Variants in PCLO observed in about 807,000 individuals in gnomAD.
PCLO encodes the protein protein piccolo.
PCLO carries 82 observed loss-of-function variants against 427.5 expected under a neutral mutation model. The ratio of observed to expected loss-of-function variants is 0.19; its 90% CI spans 0.16 to 0.23. PCLO has a LOEUF of 0.23. PCLO is among the 10% of genes least tolerant of loss of function. PCLO has a pLI of 1.00. For missense variants in PCLO, 6,239 were observed against 6,115.9 expected, an observed-to-expected ratio of 1.02 and a Z score of -0.67; for synonymous variants, 2,357 against 2,155.4, an observed-to-expected ratio of 1.09 and a Z score of -2.59.
intron 1 of PCLO, 91 bp downstream of exon 1, chr7:83,162,254 T>G: frequency 7.1e-7 from 1 of 1,418,278 alleles, no homozygotes; most frequent in Non-Finnish European, 9.4e-7. Context: ...GCGACATATA[T>G]GTACCGCCGT....
At chr7:82,990,121 T>C (rs576669261) in intron 3 of PCLO, among the ~76,000 whole-genome samples, 1 of 152,296 alleles carries the variant, frequency 6.6e-6, no homozygotes, top group East Asian at 1.9e-4. Flanking sequence ...GCCATGAAGA[T>C]ACCCTCCCCA....
At chr7:82,790,376 G>A (rs1475779344) in intron 22 of PCLO, among the ~76,000 whole-genome samples, 2 of 152,144 alleles carry the variant, frequency 1.3e-5, no homozygotes, top group Non-Finnish European at 2.9e-5. Flanking sequence ...GCAGAACTAT[G>A]CTACAGTCAG....
At chr7:82,829,052 T>C (rs1792025075) in intron 16 of PCLO, among the ~76,000 whole-genome samples, 1 of 152,140 alleles carries the variant, frequency 6.6e-6, no homozygotes, top group South Asian at 2.1e-4. Flanking sequence ...GTCTCAAGTA[T>C]TGCCATATCC....
intron 3 of PCLO, among the ~76,000 whole-genome samples, chr7:83,071,813 T>C (rs1312648336): frequency 1.3e-5 from 2 of 152,130 alleles, no homozygotes; most frequent in African/African-American, 2.4e-5. Flanking sequence ...TTTGGTCATG[T>C]TGTTGGAAGA....
At chr7:83,118,310 C>T (rs972531274) in intron 3 of PCLO, among the ~76,000 whole-genome samples, 7 of 152,072 alleles carry the variant, frequency 4.6e-5, no homozygotes, top group African/African-American at 1.7e-4. Flanking sequence ...AAGAACCCTC[C>T]GGCGATCATC....
At chr7:83,094,096 C>T (rs1790464856) in intron 3 of PCLO, among the ~76,000 whole-genome samples, 1 of 151,852 alleles carries the variant, frequency 6.6e-6, no homozygotes, top group South Asian at 2.1e-4. Flanking sequence ...CCCACTCCTT[C>T]CTTAACCTTC....
At chr7:82,971,525 G>A (rs1583857216) in intron 3 of PCLO, among the ~76,000 whole-genome samples, 2 of 147,048 alleles carry the variant, frequency 1.4e-5, no homozygotes, top group East Asian at 2.0e-4. Flanking sequence ...TTCTATATGT[G>A]TATAGATATA....
At chr7:83,010,944 T>C (rs1209228429) in intron 3 of PCLO, among the ~76,000 whole-genome samples, 1 of 152,074 alleles carries the variant, frequency 6.6e-6, no homozygotes, top group East Asian at 1.9e-4. Flanking sequence ...ACATAAATTC[T>C]TTCTTTCCAA....
chr7:82,882,459 G>T (rs1200013653), intron 9 of PCLO, among the ~76,000 whole-genome samples: 1 of 152,054 alleles, frequency 6.6e-6, no homozygotes, highest in African/African-American at 2.4e-5. Flanking sequence ...CATGAAAATG[G>T]TCTTGTTCTT....
chr7:82,966,273 A>C lies in PCLO; in HGVS notation c.3515T>G (p.Ile1172Ser). ...TAGTGTTTCCTTTACTTTTTCCAGAATGACTTTTTCAGCTTCCGTTTTTAC... is the reference window on the plus strand; with the variant it reads ...TAGTGTTTCCTTTACTTTTTCCAGACTGACTTTTTCAGCTTCCGTTTTTAC... ...QEVKTEAEKV[I>S]LEKVKETLSM... is the part of the protein sequence containing the mutation. Residue 1172 changes from isoleucine to serine, a missense_variant, in exon 4 of 25, where the codon ATT (isoleucine) becomes AGT (serine). This residue lies in a region of PCLO where 4,677 missense variants were observed against 4,468.4 expected (regional missense o/e 1.05). Coordinates refer to ENST00000333891, the MANE Select transcript of PCLO (RefSeq NM_033026.6). The C allele has an allele frequency of 6.2e-7, 1 of 1,612,164 alleles. No homozygotes were observed. The highest frequency in any genetic ancestry group is 8.5e-7 in the Non-Finnish European group (1 of 1,179,470).
intron 14 of PCLO, among the ~76,000 whole-genome samples, chr7:82,838,652 G>A (rs1203983738): frequency 1.3e-5 from 2 of 151,602 alleles, no homozygotes; most frequent in African/African-American, 2.4e-5. Flanking sequence ...GCTACTCTTA[G>A]GAAAATAGTA....
intron 3 of PCLO, among the ~76,000 whole-genome samples, chr7:83,096,987 A>G (rs868019841): frequency 0.011 from 281 of 26,298 alleles, 16 homozygotes; most frequent in East Asian, 0.013. Context: ...TATTATATAA[A>G]TAATATATAT....
At chr7:82,914,530 GATAAAATTTCC>G (rs1314560644) in intron 7 of PCLO, 145 bp downstream of exon 7, 4 of 737,536 alleles carry the variant, frequency 5.4e-6, no homozygotes, top group Admixed American at 4.1e-5. Context: ...CTATACACAT[GATAAAATTTCC>G]ATTTACAAGA....
chr7:83,037,413 T>C (rs529339503), intron 3 of PCLO, among the ~76,000 whole-genome samples: 1 of 152,096 alleles, frequency 6.6e-6, no homozygotes, highest in Non-Finnish European at 1.5e-5. Context: ...GTTAATATAT[T>C]TAGAATAATA....
intron 4 of PCLO, among the ~76,000 whole-genome samples, chr7:82,965,400 G>C (rs1795745025): frequency 6.8e-6 from 1 of 146,682 alleles, no homozygotes; most frequent in Admixed American, 6.9e-5. Flanking sequence ...AAATGGTTAA[G>C]TAAACAGAAA....
At chr7:82,868,396 T>C (rs751371940) in intron 10 of PCLO, among the ~76,000 whole-genome samples, 5 of 152,274 alleles carry the variant, frequency 3.3e-5, no homozygotes, top group Non-Finnish European at 7.4e-5. Context: ...AAACAGCTAA[T>C]TTCATCCTTA....
At chr7:83,147,935 A>G (rs1792035760) in intron 2 of PCLO, among the ~76,000 whole-genome samples, 1 of 152,178 alleles carries the variant, frequency 6.6e-6, no homozygotes, top group Non-Finnish European at 1.5e-5. Flanking sequence ...TTATGTATAA[A>G]TTGAAAATCT....
chr7:82,953,702 A>AGGAGGAGGAGGAGGG lies in PCLO; in HGVS notation c.7236_7250dup (p.Pro2422_Pro2426dup). ...GTGGGGGAGGAGGGGGTGGTGGTGG[A>AGGAGGAGGAGGAGGG]GGAGGAGGAGGAGGGGGAGGGGGAG... On this transcript the variant is annotated inframe_insertion, in exon 5 of 25. Transcript: ENST00000333891. 8.6e-6 allele frequency: 3 copies of AGGAGGAGGAGGAGGG among 348,256 alleles called. No homozygotes were observed. Among genetic ancestry groups the AGGAGGAGGAGGAGGG allele is most frequent in the Admixed American group, 4.1e-5 (1 of 24,620 alleles). 21.6% of individuals were successfully genotyped at this position (348,256 alleles called of 1,614,324 possible).
At chr7:82,795,883 T>G (rs1286254063) in intron 22 of PCLO, among the ~76,000 whole-genome samples, 1 of 152,210 alleles carries the variant, frequency 6.6e-6, no homozygotes, top group Non-Finnish European at 1.5e-5. Context: ...TTGCTAAGTT[T>G]TAGTATTCTT....
Sources: allele counts gnomAD v4.1 joint callset (sites outside exome capture counted in the v4.1 genomes callset), GRCh38; gene constraint gnomAD v4.1.1; regional missense constraint gnomAD v4.1.1; transcripts MANE v1.5; gene names NCBI Gene and HGNC (gene_info 2026-07-23, HGNC 2026-07-21).